EYS: variants seen among roughly 807,000 people sequenced by gnomAD.
EYS encodes protein eyes shut homolog.
EYS carries 250 observed loss-of-function variants against 282.1 expected under a neutral mutation model. That is an observed-to-expected ratio of 0.89 (90% confidence interval 0.80 to 0.98). The LOEUF (loss-of-function observed/expected upper bound fraction) is 0.98. Among genes scored for constraint, EYS ranks in the 50% least tolerant of loss-of-function variants. EYS has a pLI of 0.00. For missense variants in EYS, 4,016 were observed against 3,709.0 expected (o/e 1.08, Z -2.15); for synonymous variants, 1,355 against 1,282.9 (o/e 1.06, Z -1.20).
intron 26 of EYS, among the ~76,000 whole-genome samples, chr6:64,521,309 C>T (rs1777726449): frequency 6.6e-6 from 1 of 151,708 alleles, no homozygotes; most frequent in Non-Finnish European, 1.5e-5. Context: ...AATTGAATGT[C>T]ATGGAAGTGA....
chr6:64,994,098 G>T lies in EYS; in HGVS notation c.2259+3484C>A, dbSNP rs150363871. Among the ~76,000 whole-genome samples, 9 of 151,894 alleles carry T rather than the reference G, an allele frequency of 5.9e-5. No individual in the cohort carries two copies. In the East Asian group the frequency reaches 9.7e-4, roughly 16 times the overall value. Reference sequence around the variant, plus strand: ...ATCATACATATTTAAATAACCACAAGAAATAGTTATTCTCAAATATACATA... The same window carrying T: ...ATCATACATATTTAAATAACCACAATAAATAGTTATTCTCAAATATACATA... On this transcript the variant is annotated intron_variant, in intron 14 of 42. Coordinates refer to ENST00000503581, the MANE Select transcript of EYS (RefSeq NM_001142800.2).
chr6:63,969,870 T>G (rs1345995391), intron 35 of EYS, among the ~76,000 whole-genome samples: 1 of 152,188 alleles, frequency 6.6e-6, no homozygotes, highest in African/African-American at 2.4e-5. Context: ...TGTTACCACG[T>G]TTTTTATTTG....
chr6:65,628,268 C>T lies in EYS; in HGVS notation c.-333+11510G>A, dbSNP rs556184861. Among the ~76,000 whole-genome samples the T allele has an allele frequency of 9.6e-4, 146 of 152,210 alleles. 1 individual carries two copies. Among genetic ancestry groups the T allele is most frequent in the African/African-American group, 3.4e-3 (140 of 41,524 alleles). On this transcript the variant is annotated intron_variant, in intron 2 of 42. Transcript: ENST00000503581. ...GCTGCTCTGGTGGGGCCTTGGAGAA[C>T]CTGTGTGTGGAAACTCTGTATCTAA...
At chr6:64,064,210 A>G (rs1771283735) in intron 33 of EYS, among the ~76,000 whole-genome samples, 1 of 152,128 alleles carries the variant, frequency 6.6e-6, no homozygotes, top group Admixed American at 6.6e-5. Flanking sequence ...TCACTAAACC[A>G]TATACACATA....
chr6:64,197,194 A>G (rs980610980), intron 31 of EYS, among the ~76,000 whole-genome samples: 2 of 152,320 alleles, frequency 1.3e-5, no homozygotes, highest in Non-Finnish European at 2.9e-5. Flanking sequence ...TAGAAGATAG[A>G]TAATAATTTC....
chr6:64,721,986 G>A (rs1643875065), intron 22 of EYS, among the ~76,000 whole-genome samples: 1 of 152,132 alleles, frequency 6.6e-6, no homozygotes, highest in Non-Finnish European at 1.5e-5. Context: ...CCAGAGTAAT[G>A]TATGTTGCAC....
chr6:65,613,170 A>G (rs1188143656), intron 2 of EYS, among the ~76,000 whole-genome samples: 1 of 151,940 alleles, frequency 6.6e-6, no homozygotes, highest in Non-Finnish European at 1.5e-5. Context: ...TTATGAATAT[A>G]ACAGTACATG....
chr6:64,602,741 A>T (rs1364323179), intron 24 of EYS, among the ~76,000 whole-genome samples: 1 of 152,010 alleles, frequency 6.6e-6, no homozygotes, highest in Non-Finnish European at 1.5e-5. Flanking sequence ...ATCAAGAAAC[A>T]TTTTCCCCCT....
chr6:65,660,566 G>T (rs1255228659), intron 1 of EYS, among the ~76,000 whole-genome samples: 1 of 151,576 alleles, frequency 6.6e-6, no homozygotes, highest in African/African-American at 2.4e-5. Context: ...GTAATTTCCT[G>T]AATTCTACAT....
intron 32 of EYS, among the ~76,000 whole-genome samples, chr6:64,078,985 T>C (rs1582237406): frequency 6.6e-6 from 1 of 152,098 alleles, no homozygotes; most frequent in Non-Finnish European, 1.5e-5. Context: ...CTGTTTTTAG[T>C]TGGTAGAAAT....
At chr6:64,300,920 G>A (rs1337134886) in intron 30 of EYS, among the ~76,000 whole-genome samples, 1 of 152,214 alleles carries the variant, frequency 6.6e-6, no homozygotes, top group Non-Finnish European at 1.5e-5. Flanking sequence ...CCTACCATGT[G>A]TCAGTATCAT....
chr6:63,778,299 T>C (rs1562021684), intron 39 of EYS, 119 bp from the exon 40 acceptor site: 3 of 1,079,348 alleles, frequency 2.8e-6, no homozygotes, highest in Non-Finnish European at 4.0e-6. Context: ...ACATGTAAAT[T>C]TTAAAAGAAA....
intron 22 of EYS, among the ~76,000 whole-genome samples, chr6:64,650,614 G>A (rs952150609): frequency 1.3e-5 from 2 of 151,960 alleles, no homozygotes; most frequent in East Asian, 1.9e-4. Context: ...TTTGAGGAAA[G>A]GGGGAAAATT....
chr6:65,450,311 T>C (rs1176011573), intron 5 of EYS, among the ~76,000 whole-genome samples: 1 of 152,162 alleles, frequency 6.6e-6, no homozygotes, highest in Non-Finnish European at 1.5e-5. Flanking sequence ...AATGTAACTT[T>C]ATCCTAGGTA....
chr6:64,619,041 A>G (rs552819172), intron 23 of EYS, among the ~76,000 whole-genome samples: 1 of 152,328 alleles, frequency 6.6e-6, no homozygotes, highest in Middle Eastern at 3.4e-3. Flanking sequence ...ACTCTAACAA[A>G]TACTAAAGGA....
At chr6:63,940,369 G>C (rs1011255163) in intron 35 of EYS, among the ~76,000 whole-genome samples, 5 of 151,820 alleles carry the variant, frequency 3.3e-5, no homozygotes, top group African/African-American at 1.2e-4. Context: ...CTAGGCCAGC[G>C]GGTGTAAAAA....
At chr6:64,428,579 C>T (rs554785347) in intron 28 of EYS, among the ~76,000 whole-genome samples, 1 of 152,148 alleles carries the variant, frequency 6.6e-6, no homozygotes, top group South Asian at 2.1e-4. Context: ...CCTGTTGAAG[C>T]CTATACTATG....
intron 26 of EYS, among the ~76,000 whole-genome samples, chr6:64,512,063 C>T (rs1168557646): frequency 6.6e-6 from 1 of 151,996 alleles, no homozygotes; most frequent in Non-Finnish European, 1.5e-5. Flanking sequence ...CTGATAAATA[C>T]TCCTTTTAAT....
chr6:64,770,367 G>GAAAGCTATATAGGTATGATTATTTC (rs1773489512), intron 22 of EYS, among the ~76,000 whole-genome samples: 1 of 151,900 alleles, frequency 6.6e-6, no homozygotes, highest in Non-Finnish European at 1.5e-5. Flanking sequence ...AAAGAACATG[G>GAAAGCTATATAGGTATGATTATTTC]AAAGCTATAT....
Sources: allele counts gnomAD v4.1 joint callset (sites outside exome capture counted in the v4.1 genomes callset), GRCh38; gene constraint gnomAD v4.1.1; transcripts MANE v1.5; gene names NCBI Gene and HGNC (gene_info 2026-07-23, HGNC 2026-07-21).